PCDH15: variants seen among roughly 807,000 people sequenced by gnomAD.
PCDH15 encodes the protein protocadherin related 15, also known as protocadherin-15.
Under a neutral mutation model 178.5 loss-of-function variants are expected in PCDH15, and 129 were observed. That is an observed-to-expected ratio of 0.72 (90% CI 0.63 to 0.84). The LOEUF (loss-of-function observed/expected upper bound fraction) is 0.84. Ranked by LOEUF, PCDH15 falls within the 40% of genes least tolerant of loss-of-function variation. The pLI, the probability that PCDH15 is intolerant of heterozygous loss-of-function variation, is 0.00. For missense variants in PCDH15, 2,230 were observed against 2,099.9 expected (o/e 1.06, Z -1.21); for synonymous variants, 800 against 732.0 (o/e 1.09, Z -1.50).
At chr10:54,727,424 C>T (rs1405444944) in intron 1 of PCDH15, among the ~76,000 whole-genome samples, 1 of 151,354 alleles carries the variant, frequency 6.6e-6, no homozygotes, top group Non-Finnish European at 1.5e-5. Context: ...TACAACATAC[C>T]AGACTCTGGG....
intron 2 of PCDH15, among the ~76,000 whole-genome samples, chr10:54,960,210 C>T (rs895590071): frequency 6.6e-6 from 1 of 152,142 alleles, no homozygotes; most frequent in Non-Finnish European, 1.5e-5. Flanking sequence ...CTGTCAGTGA[C>T]TATCTAGGCA....
intron 1 of PCDH15, among the ~76,000 whole-genome samples, chr10:55,272,865 A>G (rs1353932887): frequency 6.6e-6 from 1 of 151,920 alleles, no homozygotes; most frequent in African/African-American, 2.4e-5. Context: ...TGCATTATAT[A>G]CTTTGAGATG....
chr10:54,905,583 G>A (rs2131829447), intron 2 of PCDH15, among the ~76,000 whole-genome samples: 1 of 152,216 alleles, frequency 6.6e-6, no homozygotes, highest in Middle Eastern at 3.4e-3. Flanking sequence ...TTGCAAACAA[G>A]ATAAGAAATG....
intron 2 of PCDH15, among the ~76,000 whole-genome samples, chr10:54,976,364 ATGGTAGGC>A (rs1481681231): frequency 1.2e-4 from 19 of 152,142 alleles, no homozygotes; most frequent in Admixed American, 1.2e-3. Flanking sequence ...AGTTTAATTA[ATGGTAGGC>A]TGGTCATGCA....
chr10:54,246,572 G>A (rs1014759817), intron 8 of PCDH15, among the ~76,000 whole-genome samples: 4 of 151,662 alleles, frequency 2.6e-5, no homozygotes, highest in African/African-American at 7.3e-5. Context: ...TATTTTATAT[G>A]TTAGTTTTTT....
intron 3 of PCDH15, among the ~76,000 whole-genome samples, chr10:54,461,088 G>A (rs1168712329): frequency 6.6e-6 from 1 of 151,540 alleles, no homozygotes; most frequent in Non-Finnish European, 1.5e-5. Flanking sequence ...CAGCATATTA[G>A]CCAATGGTAT....
At chr10:55,377,204 T>C (rs112647003) in intron 2 of PCDH15, among the ~76,000 whole-genome samples, 110 of 150,148 alleles carry the variant, frequency 7.3e-4, no homozygotes, top group African/African-American at 2.5e-3. Context: ...CCAGGCAGGC[T>C]CTTAAGTGTC....
chr10:54,481,950 C>G (rs2078750102), intron 3 of PCDH15, among the ~76,000 whole-genome samples: 1 of 151,664 alleles, frequency 6.6e-6, no homozygotes, highest in Non-Finnish European at 1.5e-5. Context: ...AATGTTAATA[C>G]AGAGGTAAGT....
At chr10:54,450,130 A>AATATATATATATATATAT (rs10526141) in intron 3 of PCDH15, among the ~76,000 whole-genome samples, 159 of 137,188 alleles carry the variant, frequency 1.2e-3, no homozygotes, top group African/African-American at 3.4e-3. Context: ...CTTTTTTATA[A>AATATATATATATATATAT]ATATATATAT....
At chr10:55,563,649 G>A (rs1159390781) in intron 2 of PCDH15, among the ~76,000 whole-genome samples, 3 of 151,402 alleles carry the variant, frequency 2.0e-5, no homozygotes, top group Middle Eastern at 3.4e-3. Flanking sequence ...TAGAGTCACC[G>A]AGAAAGACTT....
At chr10:54,357,928 TA>T (rs1023662083) in intron 5 of PCDH15, among the ~76,000 whole-genome samples, 20 of 152,012 alleles carry the variant, frequency 1.3e-4, no homozygotes, top group Non-Finnish European at 2.5e-4. Flanking sequence ...ATTCCCTATT[TA>T]ATAAATGGTG....
intron 1 of PCDH15, among the ~76,000 whole-genome samples, chr10:54,727,296 A>C (rs972527103): frequency 1.3e-5 from 2 of 151,532 alleles, no homozygotes; most frequent in Middle Eastern, 3.2e-3. Context: ...TACACGGGAG[A>C]TCTCTCAAAA....
intron 2 of PCDH15, among the ~76,000 whole-genome samples, chr10:54,918,779 C>A (rs1381871621): frequency 1.3e-5 from 2 of 152,090 alleles, no homozygotes; most frequent in Non-Finnish European, 2.9e-5. Context: ...TAGCAGTCAC[C>A]TTTTCAAATA....
chr10:54,131,937 T>G (rs534791750), intron 15 of PCDH15, among the ~76,000 whole-genome samples: 147 of 152,304 alleles, frequency 9.7e-4, no homozygotes, highest in African/African-American at 3.4e-3. Context: ...CGAATGGGAT[T>G]TAAGCGAGAT....
At chr10:54,756,089 A>T (rs7477211) in intron 1 of PCDH15, among the ~76,000 whole-genome samples, 402 of 148,244 alleles carry the variant, frequency 2.7e-3, no homozygotes, top group African/African-American at 8.1e-3. Context: ...ACACACACAC[A>T]CACACACAAA....
chr10:55,503,977 A>G (rs1840709586), intron 2 of PCDH15, among the ~76,000 whole-genome samples: 1 of 151,644 alleles, frequency 6.6e-6, no homozygotes, highest in African/African-American at 2.4e-5. Flanking sequence ...AGAATAGACA[A>G]AACTATACAG....
intron 3 of PCDH15, among the ~76,000 whole-genome samples, chr10:54,432,379 A>T (rs1957070486): frequency 6.6e-6 from 1 of 152,098 alleles, no homozygotes. Context: ...ATACAAACAG[A>T]CACATGGACT....
At chr10:54,723,135 A>G (rs969485669) in intron 1 of PCDH15, among the ~76,000 whole-genome samples, 91 of 151,960 alleles carry the variant, frequency 6.0e-4, no homozygotes, top group African/African-American at 2.2e-3. Context: ...ACATTGTGTG[A>G]TTTCAAATTA....
chr10:55,297,033 A>G (rs928187616), intron 1 of PCDH15, among the ~76,000 whole-genome samples: 25 of 152,252 alleles, frequency 1.6e-4, no homozygotes, highest in African/African-American at 5.3e-4. Flanking sequence ...TTAAATAGCT[A>G]CTACAAACCA....
Sources: gnomAD v4.1 joint callset for allele counts (sites outside exome capture counted in the v4.1 genomes callset) on GRCh38, gnomAD v4.1.1 for gene constraint, MANE v1.5 for transcripts, NCBI Gene and HGNC (gene_info 2026-07-23, HGNC 2026-07-21) for gene names.